DERL1: variants seen among roughly 807,000 people sequenced by gnomAD.
DERL1 encodes derlin-1.
Under a neutral mutation model 41.6 loss-of-function variants are expected in DERL1, and 24 were observed. That is an observed-to-expected ratio of 0.58 (90% CI 0.42 to 0.81). The LOEUF (loss-of-function observed/expected upper bound fraction) is 0.81, where lower values mean the gene tolerates loss of function less well. DERL1 is among the 30% of genes least tolerant of loss of function. DERL1 has a pLI of 0.00. For synonymous variants in DERL1, 124 were observed against 112.5 expected (o/e 1.10, Z -0.65); for missense variants, 260 against 314.3 (o/e 0.83, Z 1.31).
At chr8:123,037,952 T>C (rs938259855) in intron 1 of DERL1, among the ~76,000 whole-genome samples, 4 of 152,226 alleles carry the variant, frequency 2.6e-5, no homozygotes, top group African/African-American at 9.6e-5. Context: ...CAACGATTAA[T>C]ATGAAGACAT....
At chr8:123,024,471 G>A (rs1488911598) in intron 3 of DERL1, among the ~76,000 whole-genome samples, 1 of 152,198 alleles carries the variant, frequency 6.6e-6, no homozygotes, top group African/African-American at 2.4e-5. Context: ...GAGTCCTGCA[G>A]TTGGAGGGCT....
intron 1 of DERL1, among the ~76,000 whole-genome samples, chr8:123,035,531 G>A (rs1346583488): frequency 2.6e-5 from 4 of 152,158 alleles, no homozygotes; most frequent in Non-Finnish European, 4.4e-5. Flanking sequence ...AAAGAGCCAC[G>A]ACTTGCAGAC....
intron 1 of DERL1, among the ~76,000 whole-genome samples, chr8:123,038,990 A>C (rs1321422070): frequency 6.6e-6 from 1 of 152,184 alleles, no homozygotes; most frequent in East Asian, 1.9e-4. Context: ...GGTATCCCTG[A>C]CCATTCCCCA....
At chr8:123,027,581 T>C (rs1812729179) in intron 2 of DERL1, among the ~76,000 whole-genome samples, 1 of 152,154 alleles carries the variant, frequency 6.6e-6, no homozygotes. Context: ...TCTGTAGTTG[T>C]TGAGTAGGGA....
rs761159619 is a variant in DERL1, at chr8:123,015,530, C to G, written c.673G>C (p.Ala225Pro). 2 of 1,613,000 alleles carry G rather than the reference C, an allele frequency of 1.2e-6. No individual in the cohort carries two copies. Among genetic ancestry groups the G allele is most frequent in the Non-Finnish European group, 1.7e-6 (2 of 1,179,600 alleles). Residue 225 changes from alanine to proline, a missense_variant, in exon 8 of 8, where the codon GCT becomes CCT. Transcript: ENST00000259512. Reference sequence around the variant, plus strand: ...TGATCAGCAGCTCGCCTCATGCTAGCAGGGGGCACACCAAATCCTGATACT... The same window carrying G: ...TGATCAGCAGCTCGCCTCATGCTAGGAGGGGGCACACCAAATCCTGATACT... ...GGVSGFGVPP[A>P]SMRRAADQNG...
rs1453656497 is a variant in DERL1 at position 123,042,136 on chromosome 8, G to T, written c.-14C>A. 1 of 1,599,580 alleles carries T rather than the reference G, an allele frequency of 6.3e-7. No homozygotes were observed. The highest frequency in any genetic ancestry group is 8.5e-7 in the Non-Finnish European group (1 of 1,170,562). ...GATGTCCGACATCTTCGACCCACAG[G>T]TAGCCAAGATGCACAAGACCGCCCG... On this transcript the variant is annotated 5_prime_UTR_variant, in exon 1 of 8. Coordinates refer to ENST00000259512, the MANE Select transcript of DERL1 (RefSeq NM_024295.6).
chr8:123,042,275 C>A lies in DERL1; in HGVS notation c.-153G>T, dbSNP rs1586476715. ...CGGAGACGGGCGGACGTGGCGCCAC[C>A]GAATTCGGACCAGCGAGGCAGCCTT... On this transcript the variant is annotated 5_prime_UTR_variant, in exon 1 of 8. Coordinates refer to ENST00000259512, the MANE Select transcript of DERL1 (RefSeq NM_024295.6). The A allele has an allele frequency of 9.4e-7, 1 of 1,059,472 alleles. No homozygotes were observed. Among genetic ancestry groups the A allele is most frequent in the Non-Finnish European group, 1.3e-6 (1 of 779,046 alleles). The allele number at this position is 1,059,472 out of a possible 1,614,324, so 65.6% of individuals were successfully genotyped here.
intron 4 of DERL1, among the ~76,000 whole-genome samples, 162 bp downstream of exon 4, chr8:123,023,551 T>A (rs778966781): frequency 2.0e-5 from 3 of 150,284 alleles, no homozygotes; most frequent in Non-Finnish European, 2.9e-5. Context: ...CAAGACTCCA[T>A]CTCATAAATA....
rs201157320 is a variant in DERL1, at chr8:123,021,446, C to T, written c.506+1G>A. 5.6e-6 allele frequency: 9 copies of T among 1,612,728 alleles called. No homozygotes were observed. The highest frequency in any genetic ancestry group is 2.2e-5 in the East Asian group (1 of 44,870). On this transcript the variant is annotated splice_donor_variant, in intron 6 of 7. Coordinates refer to ENST00000259512, the MANE Select transcript of DERL1 (RefSeq NM_024295.6). LOFTEE classifies it high-confidence loss of function. ...AATTAAATAAATCTAATATCACTTA[C>T]GAGCCTCCGATGATATAGTTGAATC...
chr8:123,016,027 A>G (rs995168387), intron 7 of DERL1: 30 of 152,884 alleles, frequency 2.0e-4, no homozygotes, highest in Non-Finnish European at 4.4e-5. Context: ...TGAGCCTTGC[A>G]CAGCATTTCT....
In DERL1 at chr8:123,013,351, G is replaced by A. The variant is rs1251439953; in HGVS notation, c.*2096C>T. On this transcript the variant is annotated 3_prime_UTR_variant, in exon 8 of 8. Coordinates refer to ENST00000259512, the MANE Select transcript of DERL1 (RefSeq NM_024295.6). The stretch of plus-strand genomic sequence containing the variant: ...GAAACTTAACACAGACAACCTTCAA[G>A]TTGCACATTTTAATTTACAATTTTT... 1.3e-5 allele frequency: 2 copies of A among 152,108 alleles called. No individual in the cohort carries two copies. The highest frequency in any genetic ancestry group is 2.9e-5 in the Non-Finnish European group (2 of 68,024). 9.4% of individuals were successfully genotyped at this position (152,108 alleles called of 1,614,324 possible). A position where few individuals can be genotyped will look rare whatever the true frequency, so the allele number is the denominator to read the frequency against.
At chr8:123,029,564 C>A (rs1479754370) in intron 2 of DERL1, among the ~76,000 whole-genome samples, 1 of 152,146 alleles carries the variant, frequency 6.6e-6, no homozygotes, top group Non-Finnish European at 1.5e-5. Context: ...TAACAGCCAG[C>A]AAGTTTATAA....
intron 3 of DERL1, among the ~76,000 whole-genome samples, 156 bp downstream of exon 3, chr8:123,024,830 A>G (rs565601082): frequency 6.6e-6 from 1 of 152,352 alleles, no homozygotes; most frequent in African/African-American, 2.4e-5. Context: ...ATGATTTACT[A>G]CAGTTTTTTT....
At chr8:123,040,613 G>C (rs912689520) in intron 1 of DERL1, among the ~76,000 whole-genome samples, 1 of 152,116 alleles carries the variant, frequency 6.6e-6, no homozygotes, top group Non-Finnish European at 1.5e-5. Flanking sequence ...ACTTGATGTA[G>C]GTTTTAAAAG....
intron 2 of DERL1, among the ~76,000 whole-genome samples, chr8:123,028,382 T>C (rs887993544): frequency 1.3e-5 from 2 of 152,156 alleles, no homozygotes; most frequent in African/African-American, 4.8e-5. Flanking sequence ...CCAAAGGACA[T>C]ATGAAATGTC....
chr8:123,035,365 C>T (rs1216048087), intron 1 of DERL1, among the ~76,000 whole-genome samples: 2 of 152,196 alleles, frequency 1.3e-5, no homozygotes, highest in East Asian at 1.9e-4. Flanking sequence ...TAACATATTT[C>T]GGAAATCCCC....
intron 1 of DERL1, among the ~76,000 whole-genome samples, chr8:123,037,301 G>A (rs80026168): frequency 0.063 from 9,543 of 152,160 alleles, 467 homozygotes; most frequent in East Asian, 0.2. Context: ...GAAGGTACTC[G>A]TTCCTGTGTT....
chr8:123,021,348 T>G, intron 6 of DERL1, 99 bp downstream of exon 6: 34 of 1,142,044 alleles, frequency 3.0e-5, no homozygotes, highest in Non-Finnish European at 4.1e-5. Context: ...GCGTCAATGT[T>G]GAGATTCTTT....
At chr8:123,038,799 A>C (rs1416177081) in intron 1 of DERL1, among the ~76,000 whole-genome samples, 1 of 152,206 alleles carries the variant, frequency 6.6e-6, no homozygotes, top group Non-Finnish European at 1.5e-5. Flanking sequence ...TCTCTCAGCC[A>C]ACAAATATTT....
Sources: allele counts gnomAD v4.1 joint callset (sites outside exome capture counted in the v4.1 genomes callset), GRCh38; gene constraint gnomAD v4.1.1; transcripts MANE v1.5; gene names NCBI Gene and HGNC (gene_info 2026-07-23, HGNC 2026-07-21).